The following IFNA6 variants were observed in gnomAD, a reference collection of about 807,000 sequenced individuals.
IFNA6 encodes the protein interferon alpha-6.
For missense variants in IFNA6, 235 were observed against 212.4 expected (o/e 1.11, Z -0.66); for synonymous variants, 96 against 79.2 (o/e 1.21, Z -1.13).
chr9:21,350,490 G>C, exon 1 of IFNA6: 1 of 1,613,974 alleles, frequency 6.2e-7, no homozygotes, highest in Non-Finnish European at 8.5e-7. Context: ...ATTCATCAGG[G>C]GAGTCCCTCC....
chr9:21,350,410 T>A, exon 1 of IFNA6: 1 of 1,613,926 alleles, frequency 6.2e-7, no homozygotes, highest in Non-Finnish European at 8.5e-7. Context: ...GCACAAGGGC[T>A]GTACTTTTTC....
chr9:21,350,720 T>C, exon 1 of IFNA6: 1 of 1,614,052 alleles, frequency 6.2e-7, no homozygotes, highest in African/African-American at 1.3e-5. Context: ...TGAAGTCATG[T>C]CTGTCCTTCA....
chr9:21,350,748 A>G, exon 1 of IFNA6: 1 of 1,613,998 alleles, frequency 6.2e-7, no homozygotes, highest in East Asian at 2.2e-5. Context: ...GAAAAGAGAG[A>G]TTCTCCTCAT....
At chr9:21,350,499 C>T (rs372401225) in exon 1 of IFNA6, 2 of 1,614,004 alleles carry the variant, frequency 1.2e-6, no homozygotes, top group Non-Finnish European at 1.7e-6. Context: ...GGGAGTCCCT[C>T]CCACCCACAC....
chr9:21,350,371 T>C (rs1820434014), exon 1 of IFNA6: 5 of 1,613,496 alleles, frequency 3.1e-6, no homozygotes, highest in Non-Finnish European at 4.2e-6. Context: ...GAGAAGGATC[T>C]CATGATTTCT....
chr9:21,350,725 C>T (rs1820442336), exon 1 of IFNA6: 1 of 1,614,030 alleles, frequency 6.2e-7, no homozygotes, highest in Non-Finnish European at 8.5e-7. Flanking sequence ...TCATGTCTGT[C>T]CTTCAGACAG....
At chr9:21,350,858 G>C (rs763898270) in exon 1 of IFNA6, 1 of 1,613,838 alleles carries the variant, frequency 6.2e-7, no homozygotes, top group Non-Finnish European at 8.5e-7. Flanking sequence ...GCACCACCAG[G>C]GCCATCAGTA....
In IFNA6 at chr9:21,350,346, A is replaced by G. The variant is rs1472536455; in HGVS notation, c.542T>C (p.Leu181Ser). ...TTCCTTCCTCCTTAACCTTTCTTGC[A>G]AGTTTCTTGATGAAGAGAAGGATCT... is the stretch of plus-strand genomic sequence containing the variant. The change falls in exon 1 of 1, where the codon TTG becomes TCG. Residue 181 changes from leucine (L) to serine (S), a missense_variant. Physicochemically the swap from Leu to Ser is moderately radical, Grantham distance 145. Transcript: ENST00000380210. 1.9e-6 allele frequency: 3 copies of G among 1,609,304 alleles called. No homozygotes were observed. Among genetic ancestry groups the G allele is most frequent in the Non-Finnish European group, 2.5e-6 (3 of 1,177,472 alleles).
exon 1 of IFNA6, chr9:21,350,878 G>C (rs1446037315): frequency 6.2e-7 from 1 of 1,613,450 alleles, no homozygotes; most frequent in Non-Finnish European, 8.5e-7. Context: ...AAAGCAAAAG[G>C]CAAAGCCATT....
At position 21,350,710 on chromosome 9, in the gene IFNA6, T is replaced by C. The variant is rs201824804; in HGVS notation, c.178A>G (p.Arg60Gly). The C allele has an allele frequency of 3.4e-3, 5,454 of 1,613,312 alleles. 23 individuals carry two copies. The highest frequency in any genetic ancestry group is 4.2e-3 in the Non-Finnish European group (4,989 of 1,179,254). The change falls in exon 1 of 1, where the codon AGA becomes GGA. Residue 60 changes from arginine (R) to glycine (G), a missense_variant. Coordinates refer to ENST00000380210, the Ensembl canonical transcript of IFNA6. Reference sequence around the variant, plus strand: ...CCATCAAACTCCTCCTGGGGAAATCTGAAGTCATGTCTGTCCTTCAGACAG... The same window carrying C: ...CCATCAAACTCCTCCTGGGGAAATCCGAAGTCATGTCTGTCCTTCAGACAG...
the IFNA6 span, chr9:21,350,419 TC>T: frequency 6.2e-7 from 1 of 1,614,022 alleles, no homozygotes; most frequent in Non-Finnish European, 8.5e-7. Flanking sequence ...CTGTACTTTT[TC>T]TCTGTCAGGT....
rs557998847 is a variant in IFNA6, at chr9:21,350,708, T to C, written c.180A>G (p.Arg60=). Reference sequence around the variant, plus strand: ...TGCCATCAAACTCCTCCTGGGGAAATCTGAAGTCATGTCTGTCCTTCAGAC... The same window carrying C: ...TGCCATCAAACTCCTCCTGGGGAAACCTGAAGTCATGTCTGTCCTTCAGAC... The change falls in exon 1 of 1, where the codon AGA becomes AGG. Residue 60 remains arginine, a synonymous_variant. Transcript: ENST00000380210. 28 of 1,614,036 alleles carry C rather than the reference T, an allele frequency of 1.7e-5. No individual in the cohort carries two copies. In the South Asian group the frequency reaches 3.1e-4, roughly 18 times the overall value.
chr9:21,350,530 C>T, exon 1 of IFNA6: 1 of 1,614,006 alleles, frequency 6.2e-7, no homozygotes, highest in Non-Finnish European at 8.5e-7. Flanking sequence ...ACACAGGCTT[C>T]CAGGTCATTC....
At chr9:21,350,809 G>A in exon 1 of IFNA6, 1 of 1,613,958 alleles carries the variant, frequency 6.2e-7, no homozygotes, top group Non-Finnish European at 8.5e-7. Context: ...TGGGTCTGAG[G>A]CAGATCACAG....
At chr9:21,350,610 G>C (rs1318318193) in exon 1 of IFNA6, 3 of 1,613,888 alleles carry the variant, frequency 1.9e-6, no homozygotes, top group Non-Finnish European at 2.5e-6. Flanking sequence ...TGAGTCCTTT[G>C]TGCTGAAGAG....
chr9:21,350,540 C>T (rs1280287120), exon 1 of IFNA6: 1 of 1,613,914 alleles, frequency 6.2e-7, no homozygotes, highest in Non-Finnish European at 8.5e-7. Context: ...CCAGGTCATT[C>T]AGCTGCTGGT....
At chr9:21,350,495 C>T (rs1820436749) in exon 1 of IFNA6, 1 of 1,613,960 alleles carries the variant, frequency 6.2e-7, no homozygotes, top group Non-Finnish European at 8.5e-7. Flanking sequence ...TCAGGGGAGT[C>T]CCTCCCACCC....
At chr9:21,350,564 G>C in exon 1 of IFNA6, 3 of 1,613,952 alleles carry the variant, frequency 1.9e-6, no homozygotes, top group Non-Finnish European at 2.5e-6. Context: ...GTTCAGTATA[G>C]AGTTTGTCTA....
At chr9:21,350,587 C>A in exon 1 of IFNA6, 1 of 1,613,974 alleles carries the variant, frequency 6.2e-7, no homozygotes, top group East Asian at 2.2e-5. Flanking sequence ...AGCCTCTCAT[C>A]CCAAGCAACA....
Sources: gnomAD v4.1 joint callset for allele counts on GRCh38, gnomAD v4.1.1 for gene constraint, MANE v1.5 for transcripts, NCBI Gene and HGNC (gene_info 2026-07-23, HGNC 2026-07-21) for gene names.